GPR107: variants seen among roughly 807,000 people sequenced by gnomAD.
The protein encoded by GPR107 is G protein-coupled receptor 107.
Under a neutral mutation model 75.5 loss-of-function variants are expected in GPR107, and 31 were observed. The ratio of observed to expected loss-of-function variants is 0.41; its 90% confidence interval spans 0.31 to 0.55. The LOEUF (loss-of-function observed/expected upper bound fraction) is 0.55, where lower values mean the gene tolerates loss of function less well. GPR107 is among the 20% of genes least tolerant of loss of function. GPR107 has a pLI of 0.26. For synonymous variants in GPR107, 267 were observed against 251.3 expected (o/e 1.06, Z -0.59); for missense variants, 572 against 665.7 (o/e 0.86, Z 1.55).
In GPR107 at chr9:130,061,909, C is replaced by T. The variant is rs553059789; in HGVS notation, c.141+7836C>T. Among the ~76,000 whole-genome samples the T allele has an allele frequency of 2.6e-5, 4 of 151,964 alleles. No individual in the cohort carries two copies. The East Asian group carries it at 7.8e-4, about 30-fold the overall frequency. On this transcript the variant is annotated intron_variant, in intron 1 of 17. Transcript: ENST00000347136. ...CCAGTGAGCCGAGATTGCACCACTG[C>T]ACTCCAGCCTGGGTGACAGGGTGAG... is the stretch of plus-strand genomic sequence containing the variant.
intron 14 of GPR107, among the ~76,000 whole-genome samples, chr9:130,107,855 A>G (rs527389760): frequency 6.6e-5 from 10 of 152,242 alleles, no homozygotes; most frequent in Non-Finnish European, 1.2e-4. Context: ...TAGAAGGGCC[A>G]GATAACACTT....
intron 14 of GPR107, among the ~76,000 whole-genome samples, chr9:130,123,829 C>T (rs1179199390): frequency 6.6e-6 from 1 of 152,048 alleles, no homozygotes; most frequent in Non-Finnish European, 1.5e-5. Context: ...AACAAGACTG[C>T]CAGAGAGGTT....
intron 9 of GPR107, among the ~76,000 whole-genome samples, chr9:130,097,709 G>GTTTT (rs560402864): frequency 7.4e-6 from 1 of 134,368 alleles, no homozygotes; most frequent in South Asian, 2.4e-4. Flanking sequence ...TATTCTTTGG[G>GTTTT]TTTTTTTTTT....
chr9:130,083,136 G>T (rs1283715532), intron 5 of GPR107, among the ~76,000 whole-genome samples: 3 of 151,552 alleles, frequency 2.0e-5, no homozygotes, highest in East Asian at 2.0e-4. Context: ...GGCCAGGCTG[G>T]TCTCAAACTC....
rs528708113 is a variant in GPR107 at position 130,068,881 on chromosome 9, G to C, written c.142-6755G>C. Among the ~76,000 whole-genome samples, 43 of 152,076 alleles carry C rather than the reference G, an allele frequency of 2.8e-4. 1 individual carries two copies. Among genetic ancestry groups the C allele is most frequent in the African/African-American group, 9.2e-4 (38 of 41,500 alleles). On this transcript the variant is annotated intron_variant, in intron 1 of 17. Transcript: ENST00000347136. ...AGCCTTCTGAGTAGCTGGGACCACA[G>C]GTGCACACTGCCACACCCAGCTAAT... is the stretch of plus-strand genomic sequence containing the variant.
intron 14 of GPR107, among the ~76,000 whole-genome samples, chr9:130,109,799 G>A (rs1183404635): frequency 6.6e-6 from 1 of 151,360 alleles, no homozygotes; most frequent in African/African-American, 2.4e-5. Flanking sequence ...GCAAACTCCT[G>A]ACCTCGCGAT....
intron 15 of GPR107, among the ~76,000 whole-genome samples, chr9:130,125,951 A>G (rs886366008): frequency 2.6e-5 from 4 of 151,646 alleles, no homozygotes; most frequent in Non-Finnish European, 5.9e-5. Flanking sequence ...GCTACTTGGC[A>G]GGCTGAGGCA....
At chr9:130,079,154 G>A (rs1271269401) in intron 4 of GPR107, among the ~76,000 whole-genome samples, 1 of 152,114 alleles carries the variant, frequency 6.6e-6, no homozygotes, top group Non-Finnish European at 1.5e-5. Flanking sequence ...GTAGAGACAG[G>A]GTTTTGCCAT....
chr9:130,108,992 CTTTTT>C (rs11316244), intron 14 of GPR107, among the ~76,000 whole-genome samples: 2,277 of 66,132 alleles, frequency 0.034, 26 homozygotes, highest in Middle Eastern at 0.07. Flanking sequence ...TGGGGATATT[CTTTTT>C]TTTTTTTTTT....
chr9:130,132,519 GC>G (rs1162742341), intron 17 of GPR107, among the ~76,000 whole-genome samples: 1 of 152,238 alleles, frequency 6.6e-6, no homozygotes, highest in African/African-American at 2.4e-5. Flanking sequence ...AGGTGCAGTG[GC>G]TCACGCCTGT....
intron 5 of GPR107, among the ~76,000 whole-genome samples, chr9:130,080,078 C>A (rs575277459): frequency 6.6e-6 from 1 of 152,204 alleles, no homozygotes; most frequent in African/African-American, 2.4e-5. Flanking sequence ...TATATACATG[C>A]CTGATTACTT....
At chr9:130,062,616 G>T (rs1304108731) in intron 1 of GPR107, among the ~76,000 whole-genome samples, 2 of 120,278 alleles carry the variant, frequency 1.7e-5, no homozygotes, top group Admixed American at 9.2e-5. Flanking sequence ...CTGCCTGCCT[G>T]CCTGCCTTCC....
At chr9:130,125,090 C>CTTTTTTTTT (rs11461385) in intron 15 of GPR107, 126 bp downstream of exon 15, 5 of 158,176 alleles carry the variant, frequency 3.2e-5, no homozygotes, top group South Asian at 6.4e-5. Context: ...GTGTGGCTTG[C>CTTTTTTTTT]TTTTTTTTTT....
chr9:130,113,187 G>T (rs2132629326), intron 14 of GPR107, among the ~76,000 whole-genome samples: 1 of 149,872 alleles, frequency 6.7e-6, no homozygotes, highest in African/African-American at 2.4e-5. Flanking sequence ...AGTGATAAAA[G>T]AAAACTTGTG....
At position 130,090,915 on chromosome 9, in the gene GPR107, T is replaced by C; in HGVS notation, c.661T>C (p.Tyr221His). ...CAGCACTGATGACCAAGAAGGCCTT[T>C]ACAGTCTTTATTTTCATAAATGCCT... is the stretch of plus-strand genomic sequence containing the variant. ...NISTDDQEGLYSLYFHKCLGK... is the reference protein window; with the variant it reads ...NISTDDQEGLHSLYFHKCLGK... Residue 221 changes from tyrosine to histidine, a missense_variant, in exon 8 of 18, where the codon TAC becomes CAC. By Grantham distance (83) the Tyr-to-His change is moderately conservative. Transcript: ENST00000347136. 6.5e-7 allele frequency: 1 copy of C among 1,539,232 alleles called. No individual in the cohort carries two copies. Among genetic ancestry groups the C allele is most frequent in the Admixed American group, 1.7e-5 (1 of 59,522 alleles).
At position 130,137,755 on chromosome 9, in the gene GPR107, C is replaced by T. The variant is rs1202601729; in HGVS notation, c.*2634C>T. 1 of 152,256 alleles carries T rather than the reference C, an allele frequency of 6.6e-6. No individual in the cohort carries two copies. Among genetic ancestry groups the T allele is most frequent in the African/African-American group, 2.4e-5 (1 of 41,460 alleles). 9.4% of individuals were successfully genotyped at this position (152,256 alleles called of 1,614,324 possible). A position where few individuals can be genotyped will look rare whatever the true frequency, so the allele number is the denominator to read the frequency against. The stretch of plus-strand genomic sequence containing the variant: ...TGGCTTCACCAGCTGACAAGCCACC[C>T]TCCTGCAGCCTGAGTTTCACAGTCC... On this transcript the variant is annotated 3_prime_UTR_variant, in exon 18 of 18. Transcript: ENST00000347136.
chr9:130,130,958 A>G (rs2132658532), intron 17 of GPR107, among the ~76,000 whole-genome samples: 1 of 151,596 alleles, frequency 6.6e-6, no homozygotes, highest in Middle Eastern at 3.5e-3. Flanking sequence ...TGGCAGAAGG[A>G]ACCTGTGTCC....
At chr9:130,073,665 C>T (rs897698551) in intron 1 of GPR107, among the ~76,000 whole-genome samples, 1 of 152,178 alleles carries the variant, frequency 6.6e-6, no homozygotes, top group African/African-American at 2.4e-5. Context: ...GCTGAAACTC[C>T]ATTGGGGAAA....
At chr9:130,082,474 CTTTTTTTTTT>C (rs6151190) in intron 5 of GPR107, among the ~76,000 whole-genome samples, 1 of 126,246 alleles carries the variant, frequency 7.9e-6, no homozygotes, top group African/African-American at 3.0e-5. Context: ...AAAAGAATAT[CTTTTTTTTTT>C]TTTTTTTTTT....
Sources: allele counts gnomAD v4.1 joint callset (sites outside exome capture counted in the v4.1 genomes callset), GRCh38; gene constraint gnomAD v4.1.1; transcripts MANE v1.5; gene names NCBI Gene and HGNC (gene_info 2026-07-23, HGNC 2026-07-21).